MCTP1: variants seen among roughly 807,000 people sequenced by gnomAD.
MCTP1 encodes multiple C2 and transmembrane domain containing 1.
Under a neutral mutation model 120.6 loss-of-function variants are expected in MCTP1, and 69 were observed. That is an observed-to-expected ratio of 0.57 (90% confidence interval 0.47 to 0.70). The LOEUF (loss-of-function observed/expected upper bound fraction) is 0.70. Ranked by LOEUF, MCTP1 falls within the 30% of genes least tolerant of loss-of-function variation. The pLI is 0.00. For synonymous variants in MCTP1, 529 were observed against 493.1 expected (o/e 1.07, Z -0.96); for missense variants, 1,203 against 1,248.8 (o/e 0.96, Z 0.55).
intron 1 of MCTP1, among the ~76,000 whole-genome samples, chr5:95,045,514 G>T (rs527541311): frequency 2.0e-5 from 3 of 152,262 alleles, no homozygotes; most frequent in South Asian, 2.1e-4. Context: ...AAAGCTAGAG[G>T]CCTACGGCTT....
At chr5:95,035,317 C>A (rs1322870364) in intron 1 of MCTP1, among the ~76,000 whole-genome samples, 1 of 152,030 alleles carries the variant, frequency 6.6e-6, no homozygotes, top group Non-Finnish European at 1.5e-5. Context: ...ATGGAATCAA[C>A]CTAAGTGTCC....
At chr5:95,269,566 T>G (rs1448911365) in intron 1 of MCTP1, among the ~76,000 whole-genome samples, 1 of 152,176 alleles carries the variant, frequency 6.6e-6, no homozygotes. Flanking sequence ...TAGCCTTCTC[T>G]CCAAAACAAT....
chr5:95,024,066 ATTG>A (rs1838727880), intron 1 of MCTP1: 1 of 448,940 alleles, frequency 2.2e-6, no homozygotes, highest in African/African-American at 2.0e-5. Context: ...TTCCCTGTTA[ATTG>A]TTTTCTTTGT....
rs115624429 is a variant in MCTP1, at chr5:95,016,855, G to A, written c.838+512C>T. Among the ~76,000 whole-genome samples, 1,356 of 152,042 alleles carry A rather than the reference G, an allele frequency of 8.9e-3. 23 individuals carry two copies. The highest frequency in any genetic ancestry group is 0.031 in the African/African-American group (1,304 of 41,466). ...GAGTATTTGCCTTATCTTATCCTTC[G>A]TCATGCCCTACAAAATGTGTTTAAT... On this transcript the variant is annotated intron_variant, in intron 2 of 22. Coordinates refer to ENST00000515393, the MANE Select transcript of MCTP1 (RefSeq NM_024717.7).
intron 1 of MCTP1, among the ~76,000 whole-genome samples, chr5:95,029,829 T>C (rs528993486): frequency 6.6e-6 from 1 of 152,300 alleles, no homozygotes; most frequent in East Asian, 1.9e-4. Context: ...ATACTGATTG[T>C]ACACTTGTGG....
intron 17 of MCTP1, among the ~76,000 whole-genome samples, chr5:94,843,298 G>A (rs1791547724): frequency 6.6e-6 from 1 of 152,150 alleles, no homozygotes; most frequent in Non-Finnish European, 1.5e-5. Context: ...TACAGCTTGA[G>A]AATCAACTCT....
intron 7 of MCTP1, 66 bp from the exon 8 acceptor site, chr5:94,918,039 G>T: frequency 8.3e-7 from 1 of 1,209,662 alleles, no homozygotes; most frequent in Non-Finnish European, 1.2e-6. Context: ...CCCTCATTTT[G>T]ATCAGCAGTT....
chr5:95,046,441 T>C (rs1843159076), intron 1 of MCTP1, among the ~76,000 whole-genome samples: 1 of 152,200 alleles, frequency 6.6e-6, no homozygotes, highest in African/African-American at 2.4e-5. Context: ...TTTATTTGGA[T>C]GTTACTTCAT....
chr5:94,722,507 T>G (rs925763272), intron 19 of MCTP1, among the ~76,000 whole-genome samples: 2 of 152,178 alleles, frequency 1.3e-5, no homozygotes, highest in Admixed American at 1.3e-4. Context: ...TTATTTCACT[T>G]CCTAAGGTGA....
intron 19 of MCTP1, among the ~76,000 whole-genome samples, chr5:94,751,401 T>TG (rs1239629237): frequency 6.9e-6 from 1 of 145,132 alleles, no homozygotes; most frequent in African/African-American, 2.6e-5. Context: ...AGGGGCAAGG[T>TG]GGGGTGGAGA....
chr5:95,005,721 C>T (rs1293204472), intron 2 of MCTP1, among the ~76,000 whole-genome samples: 1 of 151,746 alleles, frequency 6.6e-6, no homozygotes, highest in Admixed American at 6.6e-5. Context: ...AAAGAGAACC[C>T]TGTATAGCCT....
At chr5:95,193,486 T>C (rs964542485) in intron 1 of MCTP1, among the ~76,000 whole-genome samples, 11 of 152,148 alleles carry the variant, frequency 7.2e-5, no homozygotes, top group African/African-American at 2.4e-4. Context: ...AATATACAAA[T>C]AGAGTTAAAA....
At chr5:95,086,817 G>A (rs1271042344) in intron 1 of MCTP1, among the ~76,000 whole-genome samples, 1 of 152,040 alleles carries the variant, frequency 6.6e-6, no homozygotes, top group African/African-American at 2.4e-5. Flanking sequence ...ATAGTTCTTA[G>A]GAATCCTAAC....
intron 1 of MCTP1, among the ~76,000 whole-genome samples, chr5:95,192,651 A>G (rs149856310): frequency 1.3e-5 from 2 of 152,198 alleles, no homozygotes; most frequent in South Asian, 4.1e-4. Context: ...ATACTTTTAT[A>G]TGTCTTGAAA....
chr5:95,026,722 T>C (rs1839336472), intron 1 of MCTP1, among the ~76,000 whole-genome samples: 1 of 152,220 alleles, frequency 6.6e-6, no homozygotes, highest in African/African-American at 2.4e-5. Context: ...GTGCTCTTAG[T>C]ATTACCATGC....
At chr5:95,144,023 G>C (rs570647083) in intron 1 of MCTP1, among the ~76,000 whole-genome samples, 2 of 152,030 alleles carry the variant, frequency 1.3e-5, no homozygotes, top group African/African-American at 4.8e-5. Flanking sequence ...GCATTCCTAC[G>C]AACAGTGTCT....
At chr5:94,960,147 C>A (rs950915374) in intron 2 of MCTP1, among the ~76,000 whole-genome samples, 5 of 152,142 alleles carry the variant, frequency 3.3e-5, no homozygotes, top group African/African-American at 1.2e-4. Flanking sequence ...CTTGAGAAAC[C>A]TGACAAAAAC....
At chr5:94,797,225 G>A (rs1780293219) in intron 18 of MCTP1, among the ~76,000 whole-genome samples, 1 of 152,066 alleles carries the variant, frequency 6.6e-6, no homozygotes, top group Non-Finnish European at 1.5e-5. Context: ...AACAAGCAAA[G>A]TCTACAGTTT....
intron 12 of MCTP1, among the ~76,000 whole-genome samples, chr5:94,880,968 C>T (rs1799930877): frequency 6.6e-6 from 1 of 152,016 alleles, no homozygotes; most frequent in African/African-American, 2.4e-5. Flanking sequence ...TATCTGCTGT[C>T]CTCTGCTGGA....
Sources: gnomAD v4.1 joint callset for allele counts (sites outside exome capture counted in the v4.1 genomes callset) on GRCh38, gnomAD v4.1.1 for gene constraint, MANE v1.5 for transcripts, NCBI Gene and HGNC (gene_info 2026-07-23, HGNC 2026-07-21) for gene names.